The following TENM3 variants were observed in gnomAD, a reference collection of about 807,000 sequenced individuals.
The protein encoded by TENM3 is teneurin-3.
A neutral mutation model predicts 255.1 loss-of-function variants in TENM3; 63 were observed. The ratio of observed to expected loss-of-function variants is 0.25; its 90% CI spans 0.20 to 0.30. TENM3 has a LOEUF of 0.30. Among genes scored for constraint, TENM3 ranks in the 10% least tolerant of loss-of-function variants. The pLI is 1.00. For synonymous variants in TENM3, 1,306 were observed against 1,322.3 expected (o/e 0.99, Z 0.27); for missense variants, 2,929 against 3,461.1 (o/e 0.85, Z 3.86).
chr4:182,421,063 G>C (rs944899392), intron 3 of TENM3, among the ~76,000 whole-genome samples: 3 of 152,166 alleles, frequency 2.0e-5, no homozygotes, highest in Non-Finnish European at 4.4e-5. Context: ...ATAGCCTTCA[G>C]AAAGTAATTT....
chr4:182,546,516 G>A (rs1741465233), intron 3 of TENM3, among the ~76,000 whole-genome samples: 2 of 152,040 alleles, frequency 1.3e-5, no homozygotes, highest in African/African-American at 4.8e-5. Flanking sequence ...GCTCACTGAA[G>A]CCTCAACCTC....
At chr4:181,477,226 G>A in the TENM3 span, among the ~76,000 whole-genome samples, 28 of 152,194 alleles carry the variant, frequency 1.8e-4, no homozygotes, top group East Asian at 4.6e-3. Flanking sequence ...CTATGATCTA[G>A]TGATTTCAAA....
chr4:182,437,809 AAATAT>A lies in TENM3; in HGVS notation c.511+90881_511+90885del, dbSNP rs1561446522. ...CGAGACTCCGTCTAAAAAAAAAAAA[AAATAT>A]CTGGGCGGGCACCTGTAGTCCCAGC... On this transcript the variant is annotated intron_variant, in intron 3 of 27. Coordinates refer to ENST00000511685, the MANE Select transcript of TENM3 (RefSeq NM_001080477.4). Among the ~76,000 whole-genome samples the A allele has an allele frequency of 9.6e-4, 145 of 151,058 alleles. 1 individual carries two copies. Among genetic ancestry groups the A allele is most frequent in the Admixed American group, 2.6e-3 (39 of 15,130 alleles).
At chr4:181,625,893 A>C in the TENM3 span, among the ~76,000 whole-genome samples, 1 of 152,084 alleles carries the variant, frequency 6.6e-6, no homozygotes, top group African/African-American at 2.4e-5. Context: ...GTGGGAATAA[A>C]ACCCTCTACA....
intron 1 of TENM3, among the ~76,000 whole-genome samples, chr4:182,194,701 C>T (rs1561185727): frequency 2.0e-5 from 3 of 152,114 alleles, no homozygotes; most frequent in Admixed American, 2.0e-4. Context: ...GAAAATGTAA[C>T]CCTGTGATGG....
intron 1 of TENM3, among the ~76,000 whole-genome samples, chr4:182,294,324 A>G (rs1007346535): frequency 1.3e-5 from 2 of 152,156 alleles, no homozygotes; most frequent in African/African-American, 4.8e-5. Context: ...TCTAGATCCC[A>G]GGTGGAAGAT....
the TENM3 span, among the ~76,000 whole-genome samples, chr4:181,939,297 G>A: frequency 1.3e-5 from 2 of 152,166 alleles, no homozygotes; most frequent in Non-Finnish European, 2.9e-5. Context: ...CCGGGAACTC[G>A]TTTCTGGTAT....
In TENM3 at chr4:182,714,279, T is replaced by A. The variant is rs759091874; in HGVS notation, c.2368+46T>A. 7.0e-6 allele frequency: 10 copies of A among 1,426,064 alleles called. No homozygotes were observed. The South Asian group carries it at 1.3e-4, about 19-fold the overall frequency. 88.3% of individuals were successfully genotyped at this position (1,426,064 alleles called of 1,614,324 possible). ...ACACGAGTCTGTGCCAGAGCACAGG[T>A]TCGTAAGTGACAGTGAGTACATAGA... On this transcript the variant is annotated intron_variant, in intron 13 of 27. Coordinates refer to ENST00000511685, the MANE Select transcript of TENM3 (RefSeq NM_001080477.4).
intron 5 of TENM3, among the ~76,000 whole-genome samples, chr4:182,642,295 C>T (rs1311745140): frequency 6.6e-6 from 1 of 152,164 alleles, no homozygotes; most frequent in Non-Finnish European, 1.5e-5. Flanking sequence ...GAAATTCTAA[C>T]TTAATTCTCT....
At chr4:181,996,836 G>T in the TENM3 span, among the ~76,000 whole-genome samples, 1 of 152,156 alleles carries the variant, frequency 6.6e-6, no homozygotes, top group Non-Finnish European at 1.5e-5. Flanking sequence ...TAAGAAACTG[G>T]ATCAATGGTA....
the TENM3 span, among the ~76,000 whole-genome samples, chr4:182,058,499 A>G: frequency 2.0e-5 from 3 of 152,204 alleles, no homozygotes; most frequent in African/African-American, 7.2e-5. Flanking sequence ...ACAGTGTTAC[A>G]GTAAAACTCG....
chr4:182,359,713 G>A (rs374928739), intron 3 of TENM3, among the ~76,000 whole-genome samples: 36 of 150,464 alleles, frequency 2.4e-4, no homozygotes, highest in African/African-American at 6.8e-4. Flanking sequence ...TTGTGTCTCT[G>A]TTTCCTTCAG....
the TENM3 span, among the ~76,000 whole-genome samples, chr4:181,488,556 G>A: frequency 6.6e-6 from 1 of 152,066 alleles, no homozygotes; most frequent in African/African-American, 2.4e-5. Flanking sequence ...CATGATTTGG[G>A]CCAATTTCCA....
chr4:181,710,101 A>T, the TENM3 span, among the ~76,000 whole-genome samples: 1 of 152,060 alleles, frequency 6.6e-6, no homozygotes, highest in African/African-American at 2.4e-5. Flanking sequence ...GAAATTAGAG[A>T]CCCATCAACA....
chr4:182,051,747 G>A, the TENM3 span, among the ~76,000 whole-genome samples: 1 of 152,070 alleles, frequency 6.6e-6, no homozygotes, highest in Non-Finnish European at 1.5e-5. Flanking sequence ...TATTGTCTGG[G>A]CATATAATTT....
chr4:182,202,268 T>G (rs1320699169), intron 1 of TENM3, among the ~76,000 whole-genome samples: 2 of 151,998 alleles, frequency 1.3e-5, no homozygotes. Context: ...CTGGTGAACT[T>G]TGAATGCACA....
At chr4:182,326,959 G>A (rs578153597) in intron 2 of TENM3, among the ~76,000 whole-genome samples, 7 of 152,310 alleles carry the variant, frequency 4.6e-5, no homozygotes, top group African/African-American at 1.2e-4. Flanking sequence ...GAATGAGGAC[G>A]AGTGTGAGGG....
intron 3 of TENM3, among the ~76,000 whole-genome samples, chr4:182,507,771 A>G (rs942636178): frequency 2.0e-5 from 3 of 152,210 alleles, no homozygotes; most frequent in Non-Finnish European, 4.4e-5. Context: ...AATGTCTTCT[A>G]TATAGTTACT....
the TENM3 span, among the ~76,000 whole-genome samples, chr4:182,093,761 G>A: frequency 4.6e-5 from 7 of 152,076 alleles, no homozygotes; most frequent in Non-Finnish European, 8.8e-5. Context: ...ACCCACCAGG[G>A]CACGCTTCCA....
Sources: gnomAD v4.1 joint callset for allele counts (sites outside exome capture counted in the v4.1 genomes callset) on GRCh38, gnomAD v4.1.1 for gene constraint, MANE v1.5 for transcripts, NCBI Gene and HGNC (gene_info 2026-07-23, HGNC 2026-07-21) for gene names.